The following ZFYVE28 variants were observed in gnomAD, a reference collection of about 807,000 sequenced individuals.
The protein encoded by ZFYVE28 is zinc finger FYVE-type containing 28.
ZFYVE28 carries 40 observed loss-of-function variants against 82.1 expected under a neutral mutation model. That is an observed-to-expected ratio of 0.49 (90% confidence interval 0.38 to 0.63). The LOEUF is 0.63. Among genes scored for constraint, ZFYVE28 ranks in the 30% least tolerant of loss-of-function variants. The pLI is 0.00. For synonymous variants in ZFYVE28, 612 were observed against 546.1 expected, an observed-to-expected ratio of 1.12 and a Z score of -1.68; for missense variants, 1,321 against 1,242.1, an observed-to-expected ratio of 1.06 and a Z score of -0.96.
chr4:2,412,545 C>A (rs1732629531), intron 1 of ZFYVE28, among the ~76,000 whole-genome samples: 2 of 147,314 alleles, frequency 1.4e-5, no homozygotes, highest in Admixed American at 1.4e-4. Context: ...GCTATTTAGA[C>A]ACATGACCGG....
intron 1 of ZFYVE28, among the ~76,000 whole-genome samples, chr4:2,366,166 TATTCCAGCAAAA>T (rs1726865713): frequency 6.6e-6 from 1 of 152,216 alleles, no homozygotes; most frequent in Admixed American, 6.5e-5. Context: ...AGCACCCAGT[TATTCCAGCAAAA>T]AACATAGGCG....
At chr4:2,307,726 T>A (rs1436259539) in intron 7 of ZFYVE28, among the ~76,000 whole-genome samples, 1 of 152,212 alleles carries the variant, frequency 6.6e-6, no homozygotes, top group Non-Finnish European at 1.5e-5. Flanking sequence ...ACTCCTGGCC[T>A]CAAGTGATCC....
chr4:2,285,643 C>T (rs537794071), intron 8 of ZFYVE28: 2 of 152,508 alleles, frequency 1.3e-5, no homozygotes, highest in South Asian at 4.1e-4. Flanking sequence ...TGAGCACAGG[C>T]TGGGACTGAG....
intron 1 of ZFYVE28, among the ~76,000 whole-genome samples, chr4:2,385,711 G>T (rs941781054): frequency 1.3e-5 from 2 of 152,012 alleles, no homozygotes; most frequent in African/African-American, 4.8e-5. Context: ...GACAGCACGG[G>T]GCAGATTTCC....
intron 7 of ZFYVE28, among the ~76,000 whole-genome samples, chr4:2,309,133 T>C (rs1215294326): frequency 6.6e-6 from 1 of 152,172 alleles, no homozygotes; most frequent in Non-Finnish European, 1.5e-5. Flanking sequence ...ATTAAGGAGA[T>C]TAATGCATTT....
intron 1 of ZFYVE28, among the ~76,000 whole-genome samples, chr4:2,356,465 C>T (rs929842697): frequency 7.4e-5 from 11 of 148,624 alleles, no homozygotes; most frequent in South Asian, 2.2e-4. Flanking sequence ...CCCCCCCGGC[C>T]GTTGGTGTGC....
chr4:2,287,981 G>A (rs1202811441), intron 8 of ZFYVE28, among the ~76,000 whole-genome samples: 1 of 152,122 alleles, frequency 6.6e-6, no homozygotes, highest in Non-Finnish European at 1.5e-5. Context: ...ATTCAGTTAG[G>A]AACACGAATT....
At chr4:2,285,138 C>A (rs893007904) in intron 8 of ZFYVE28, among the ~76,000 whole-genome samples, 3 of 152,160 alleles carry the variant, frequency 2.0e-5, no homozygotes, top group East Asian at 1.9e-4. Context: ...CAGAACCCCA[C>A]GTGGACTGAA....
rs553531965 is a variant in ZFYVE28, at chr4:2,373,341, A to T, written c.40-19268T>A. ...AGTGAGACCTACATCTCTACAAAAA[A>T]TTTAAAAATTAGCTGACTGTGGTGG... is the stretch of plus-strand genomic sequence containing the variant. On this transcript the variant is annotated intron_variant, in intron 1 of 12. Transcript: ENST00000290974. Among the ~76,000 whole-genome samples the T allele has an allele frequency of 2.6e-3, 389 of 152,188 alleles. 10 individuals carry two copies. The East Asian group carries it at 0.063, about 25-fold the overall frequency.
intron 1 of ZFYVE28, among the ~76,000 whole-genome samples, chr4:2,415,978 C>G (rs1732996934): frequency 6.6e-6 from 1 of 152,208 alleles, no homozygotes; most frequent in Admixed American, 6.5e-5. Flanking sequence ...AGCTCTGGAG[C>G]TACTACCAGA....
In ZFYVE28 at chr4:2,418,229, TG is replaced by T; in HGVS notation, c.39+55del. 6.7e-7 allele frequency: 1 copy of T among 1,502,876 alleles called. No homozygotes were observed. Among genetic ancestry groups the T allele is most frequent in the Non-Finnish European group, 8.9e-7 (1 of 1,122,122 alleles). The allele number at this position is 1,502,876 out of a possible 1,614,324, so 93.1% of individuals were successfully genotyped here. A position where few individuals can be genotyped will look rare whatever the true frequency, so the allele number is the denominator to read the frequency against. On this transcript the variant is annotated intron_variant, in intron 1 of 12. Transcript: ENST00000290974. The surrounding 1 kb of genome is among the most constrained non-coding windows in gnomAD (Gnocchi z 4.6). ...GTCTTGTAGGGCGGACGGGCGGTCC[TG>T]GGGAAGGGAGAGGCCGCGACGCGGG...
Position 2,341,729 on chromosome 4 carries a change from G to T in ZFYVE28, c.181-114C>A. The stretch of plus-strand genomic sequence containing the variant: ...GACTGTTTTTTAGGATTATTAAAGT[G>T]ATAGAGGAGGCTAGGCACGGTGGCT... On this transcript the variant is annotated intron_variant, in intron 2 of 12. Coordinates refer to ENST00000290974, the MANE Select transcript of ZFYVE28 (RefSeq NM_020972.3). The surrounding 1 kb of genome is among the most constrained non-coding windows in gnomAD (Gnocchi z 4.5). 6.9e-7 allele frequency: 1 copy of T among 1,450,334 alleles called. No homozygotes were observed. Among genetic ancestry groups the T allele is most frequent in the Non-Finnish European group, 9.4e-7 (1 of 1,067,048 alleles). The allele number at this position is 1,450,334 out of a possible 1,614,324, so 89.8% of individuals were successfully genotyped here.
At chr4:2,367,679 C>T (rs1015195611) in intron 1 of ZFYVE28, among the ~76,000 whole-genome samples, 7 of 152,212 alleles carry the variant, frequency 4.6e-5, no homozygotes, top group African/African-American at 7.2e-5. Flanking sequence ...GCAGTGGGGC[C>T]ACAACAGCCG....
chr4:2,367,739 T>C (rs1727037587), intron 1 of ZFYVE28, among the ~76,000 whole-genome samples: 1 of 152,168 alleles, frequency 6.6e-6, no homozygotes, highest in Non-Finnish European at 1.5e-5. Flanking sequence ...TGGGGGGCCA[T>C]GGGTATCCCA....
At chr4:2,410,565 G>T (rs1051677227) in intron 1 of ZFYVE28, among the ~76,000 whole-genome samples, 2 of 149,634 alleles carry the variant, frequency 1.3e-5, no homozygotes, top group African/African-American at 4.9e-5. Flanking sequence ...GCACCATCTC[G>T]GCTCACTGCA....
chr4:2,313,912 G>A (rs756915693), intron 7 of ZFYVE28, among the ~76,000 whole-genome samples: 12 of 151,356 alleles, frequency 7.9e-5, no homozygotes, highest in Non-Finnish European at 1.8e-4. Context: ...ACACATGTAA[G>A]TCAGGTCAAG....
intron 8 of ZFYVE28, 27 bp from the exon 9 acceptor site, chr4:2,274,243 G>T: frequency 6.2e-7 from 1 of 1,603,970 alleles, no homozygotes. Flanking sequence ...ATACCGGTGT[G>T]TGGGGTGGGG....
chr4:2,301,253 G>C (rs1380998449), intron 8 of ZFYVE28, among the ~76,000 whole-genome samples: 1 of 152,200 alleles, frequency 6.6e-6, no homozygotes, highest in African/African-American at 2.4e-5. Context: ...ACAGATGAGT[G>C]GGGGAATGAA....
chr4:2,400,193 T>C (rs1177676583), intron 1 of ZFYVE28, among the ~76,000 whole-genome samples: 1 of 152,248 alleles, frequency 6.6e-6, no homozygotes, highest in Non-Finnish European at 1.5e-5. Context: ...TTGACCGCAC[T>C]TAATTCATCT....
Sources: gnomAD v4.1 joint callset for allele counts (sites outside exome capture counted in the v4.1 genomes callset) on GRCh38, gnomAD v4.1.1 for gene constraint, Gnocchi (gnomAD v3.1) non-coding constraint, MANE v1.5 for transcripts, NCBI Gene and HGNC (gene_info 2026-07-23, HGNC 2026-07-21) for gene names.